MAML2: variants seen among roughly 807,000 people sequenced by gnomAD.
MAML2 encodes the protein mastermind-like protein 2.
In MAML2, 22 loss-of-function variants were observed where a neutral mutation model predicts 96.1. The ratio of observed to expected loss-of-function variants is 0.23; its 90% CI spans 0.16 to 0.33. MAML2 has a LOEUF of 0.33. Among genes scored for constraint, MAML2 ranks in the 10% least tolerant of loss-of-function variants. The probability of loss-of-function intolerance (pLI) is 1.00; values close to 1 mark genes in which losing one functional copy is unlikely to be tolerated. For missense variants in MAML2, 1,367 were observed against 1,392.4 expected (o/e 0.98, Z 0.29); for synonymous variants, 561 against 521.3 (o/e 1.08, Z -1.04).
At position 96,274,659 on chromosome 11, in the gene MAML2, C is replaced by G. The variant is rs1222959067; in HGVS notation, c.513+66724G>C. Among the ~76,000 whole-genome samples, 7 of 152,176 alleles carry G rather than the reference C, an allele frequency of 4.6e-5. No individual in the cohort carries two copies. In the South Asian group the frequency reaches 1.4e-3, roughly 32 times the overall value. ...AATTAAACTATTACTAATGAAAAGG[C>G]TAGCAATGTGGAATTGCATTGGAAA... is the stretch of plus-strand genomic sequence containing the variant. On this transcript the variant is annotated intron_variant, in intron 1 of 4. Coordinates refer to ENST00000524717, the MANE Select transcript of MAML2 (RefSeq NM_032427.4).
At chr11:96,257,515 TG>T (rs1862685157) in intron 1 of MAML2, among the ~76,000 whole-genome samples, 1 of 152,266 alleles carries the variant, frequency 6.6e-6, no homozygotes. Context: ...ATACATGACT[TG>T]GAATTACTTC....
chr11:95,982,037 T>C (rs987498798), intron 4 of MAML2, among the ~76,000 whole-genome samples: 1 of 152,166 alleles, frequency 6.6e-6, no homozygotes, highest in Non-Finnish European at 1.5e-5. Context: ...TCATACTCCA[T>C]TTTTAATATC....
intron 1 of MAML2, among the ~76,000 whole-genome samples, chr11:96,234,353 T>A (rs1208603744): frequency 1.3e-5 from 2 of 152,158 alleles, no homozygotes; most frequent in East Asian, 3.8e-4. Context: ...TGGTGGCACA[T>A]GCCTGTAATC....
intron 1 of MAML2, among the ~76,000 whole-genome samples, chr11:96,216,038 TA>T (rs71459795): frequency 0.097 from 14,533 of 150,016 alleles, 771 homozygotes; most frequent in African/African-American, 0.13. Context: ...TCAATTTGCT[TA>T]AAAAAAAAAT....
intron 1 of MAML2, among the ~76,000 whole-genome samples, chr11:96,314,044 T>C (rs987252414): frequency 6.6e-6 from 1 of 152,106 alleles, no homozygotes; most frequent in African/African-American, 2.4e-5. Flanking sequence ...CTTCTCCCCA[T>C]AGGGTCTTTG....
chr11:96,093,353 A>T lies in MAML2; in HGVS notation c.678T>A (p.Ser226Arg), dbSNP rs1461118046. Reference protein sequence around the residue: ...QGGLQINNGQSQIMSGTLPMS... With the variant: ...QGGLQINNGQRQIMSGTLPMS... ...TAGGCAAGGTCCCTGACATAATCTGACTTTGTCCATTGTTTATTTGGAGGC... is the reference window on the plus strand; with the variant it reads ...TAGGCAAGGTCCCTGACATAATCTGTCTTTGTCCATTGTTTATTTGGAGGC... Residue 226 changes from serine (S) to arginine (R), a missense_variant, in exon 2 of 5, where the codon AGT becomes AGA. Ser to Arg is a moderately radical substitution (Grantham distance 110). Transcript: ENST00000524717. 1.2e-6 allele frequency: 2 copies of T among 1,613,776 alleles called. No individual in the cohort carries two copies. Among genetic ancestry groups the T allele is most frequent in the African/African-American group, 1.3e-5 (1 of 74,876 alleles).
At chr11:96,038,320 C>T (rs573155207) in intron 2 of MAML2, among the ~76,000 whole-genome samples, 14 of 152,328 alleles carry the variant, frequency 9.2e-5, no homozygotes, top group Non-Finnish European at 1.9e-4. Flanking sequence ...TCCTTATACT[C>T]ATTTAACCAC....
At chr11:96,281,954 AAAT>A (rs1363127394) in intron 1 of MAML2, among the ~76,000 whole-genome samples, 10 of 152,158 alleles carry the variant, frequency 6.6e-5, no homozygotes, top group Non-Finnish European at 1.2e-4. Flanking sequence ...AGAACTTGAA[AAAT>A]AATGACTGTA....
chr11:96,288,029 G>C (rs769782603), intron 1 of MAML2, among the ~76,000 whole-genome samples: 10 of 152,100 alleles, frequency 6.6e-5, no homozygotes, highest in Admixed American at 1.3e-4. Flanking sequence ...CTTTCACCAT[G>C]TCACTGAAAT....
chr11:96,255,222 A>G (rs78750724), intron 1 of MAML2, among the ~76,000 whole-genome samples: 4,934 of 152,324 alleles, frequency 0.032, 103 homozygotes, highest in South Asian at 0.063. Flanking sequence ...TAAAGACAAA[A>G]TTATCAATAT....
chr11:96,230,213 G>A (rs1282071723), intron 1 of MAML2, among the ~76,000 whole-genome samples: 1 of 152,124 alleles, frequency 6.6e-6, no homozygotes, highest in Non-Finnish European at 1.5e-5. Flanking sequence ...GTCTAGGATA[G>A]AATATGAGTA....
intron 1 of MAML2, among the ~76,000 whole-genome samples, chr11:96,193,301 G>A (rs1443260968): frequency 1.3e-5 from 2 of 152,248 alleles, no homozygotes; most frequent in South Asian, 2.1e-4. Context: ...CCCGGGAGGC[G>A]GAGGTTGCAG....
At chr11:96,221,770 T>C (rs1244340843) in intron 1 of MAML2, among the ~76,000 whole-genome samples, 2 of 150,848 alleles carry the variant, frequency 1.3e-5, no homozygotes, top group African/African-American at 4.9e-5. Context: ...AGTACTTCAG[T>C]GTTAATAGAA....
At chr11:96,091,439 T>C (rs1670390189) in intron 2 of MAML2, among the ~76,000 whole-genome samples, 1 of 152,064 alleles carries the variant, frequency 6.6e-6, no homozygotes, top group African/African-American at 2.4e-5. Context: ...AATATTCCAG[T>C]TGGTTGGTGC....
At chr11:96,142,557 C>T (rs565151701) in intron 1 of MAML2, among the ~76,000 whole-genome samples, 2 of 152,328 alleles carry the variant, frequency 1.3e-5, no homozygotes, top group Admixed American at 6.5e-5. Context: ...CTCTGCAGCA[C>T]CTCACCAGTT....
rs189948913 is a variant in MAML2, at chr11:96,104,072, A to G, written c.514-10555T>C. ...GAGATATTCCATGGCCATTCCATCT[A>G]AAGTACATGTTCATGTTTGTTTTCC... On this transcript the variant is annotated intron_variant, in intron 1 of 4. Transcript: ENST00000524717. Among the ~76,000 whole-genome samples, 85 of 152,294 alleles carry G rather than the reference A, an allele frequency of 5.6e-4. 2 individuals are homozygous for G. The highest frequency in any genetic ancestry group is 2.0e-3 in the African/African-American group (82 of 41,544).
rs192587690 is a variant in MAML2 at position 96,318,352 on chromosome 11, T to C, written c.513+23031A>G. 2.2e-3 allele frequency among the ~76,000 whole-genome samples: 330 copies of C among 152,306 alleles called. 3 individuals are homozygous for C. The highest frequency in any genetic ancestry group is 0.018 in the Admixed American group (279 of 15,292). ...AGAGACTTATGACTAAAATCCGATA[T>C]GATCGGACCCCAAACCTTATTTCTT... is the stretch of plus-strand genomic sequence containing the variant. On this transcript the variant is annotated intron_variant, in intron 1 of 4. Coordinates refer to ENST00000524717, the MANE Select transcript of MAML2 (RefSeq NM_032427.4).
At chr11:96,031,512 A>G (rs1017768606) in intron 2 of MAML2, among the ~76,000 whole-genome samples, 7 of 152,216 alleles carry the variant, frequency 4.6e-5, no homozygotes, top group African/African-American at 1.7e-4. Flanking sequence ...ATTCCTTAAC[A>G]TAGTTCATGA....
At position 96,219,370 on chromosome 11, in the gene MAML2, C is replaced by T. The variant is rs112209813; in HGVS notation, c.513+122013G>A. On this transcript the variant is annotated intron_variant, in intron 1 of 4. Transcript: ENST00000524717. ...TTCAAGAGGCCTTCCCAGATCACCT[C>T]GGGCATGAGTTCTTTGCCACCTCAA... is the stretch of plus-strand genomic sequence containing the variant. 5.1e-3 allele frequency among the ~76,000 whole-genome samples: 779 copies of T among 152,292 alleles called. 8 individuals are homozygous for T. The highest frequency in any genetic ancestry group is 0.017 in the African/African-American group (688 of 41,568).
Sources: allele counts gnomAD v4.1 joint callset (sites outside exome capture counted in the v4.1 genomes callset), GRCh38; gene constraint gnomAD v4.1.1; transcripts MANE v1.5; gene names NCBI Gene and HGNC (gene_info 2026-07-23, HGNC 2026-07-21).